The following KCNQ5 variants were observed in gnomAD, a reference collection of about 807,000 sequenced individuals.
The protein encoded by KCNQ5 is potassium voltage-gated channel subfamily Q member 5, also known as potassium voltage-gated channel subfamily KQT member 5.
In KCNQ5, 30 loss-of-function variants were observed where a neutral mutation model predicts 98.2. That is an observed-to-expected ratio of 0.31 (90% CI 0.23 to 0.41). The LOEUF is 0.41. Ranked by LOEUF, KCNQ5 falls within the 10% of genes least tolerant of loss-of-function variation. The pLI is 1.00. For synonymous variants in KCNQ5, 458 were observed against 449.4 expected, an observed-to-expected ratio of 1.02 and a Z score of -0.24; for missense variants, 835 against 1,182.5, an observed-to-expected ratio of 0.71 and a Z score of 4.31.
chr6:72,835,590 AATT>A (rs1294762842), intron 1 of KCNQ5, among the ~76,000 whole-genome samples: 2 of 152,264 alleles, frequency 1.3e-5, no homozygotes, highest in Non-Finnish European at 2.9e-5. Context: ...ACATGGAGTG[AATT>A]ATTATTATGT....
chr6:72,766,183 G>A (rs1772560617), intron 1 of KCNQ5, among the ~76,000 whole-genome samples: 1 of 152,034 alleles, frequency 6.6e-6, no homozygotes, highest in South Asian at 2.1e-4. Flanking sequence ...AAGGGACTCA[G>A]ACAGAGAGAT....
chr6:73,067,905 T>TATATAA (rs1434085616), intron 3 of KCNQ5, among the ~76,000 whole-genome samples: 13 of 15,606 alleles, frequency 8.3e-4, no homozygotes, highest in African/African-American at 2.8e-3. Flanking sequence ...TATATATATA[T>TATATAA]AACTAAAATT....
chr6:72,781,865 A>G (rs764197112), intron 1 of KCNQ5, among the ~76,000 whole-genome samples: 2 of 152,238 alleles, frequency 1.3e-5, no homozygotes, highest in Non-Finnish European at 2.9e-5. Flanking sequence ...TGCAAAGTAC[A>G]TGATAAGCCA....
At chr6:72,925,192 A>G (rs1232805896) in intron 1 of KCNQ5, among the ~76,000 whole-genome samples, 1 of 152,168 alleles carries the variant, frequency 6.6e-6, no homozygotes, top group African/African-American at 2.4e-5. Flanking sequence ...AACATTCTGG[A>G]TAAGAATGTT....
intron 7 of KCNQ5, among the ~76,000 whole-genome samples, chr6:73,116,352 A>C (rs1388676705): frequency 6.6e-6 from 1 of 152,196 alleles, no homozygotes; most frequent in Non-Finnish European, 1.5e-5. Context: ...AAATATAACT[A>C]TAAGCATAAT....
chr6:73,078,494 T>G (rs188516104), intron 5 of KCNQ5, among the ~76,000 whole-genome samples: 1 of 152,356 alleles, frequency 6.6e-6, no homozygotes, highest in East Asian at 1.9e-4. Flanking sequence ...AACATTCATT[T>G]AACTCATTTT....
chr6:72,903,132 A>G (rs567237836), intron 1 of KCNQ5, among the ~76,000 whole-genome samples: 2 of 152,150 alleles, frequency 1.3e-5, no homozygotes, highest in Admixed American at 6.5e-5. Context: ...AGGTGTTTAT[A>G]GTAACCTTGA....
At chr6:73,138,758 C>G (rs996325422) in intron 10 of KCNQ5, among the ~76,000 whole-genome samples, 2 of 152,084 alleles carry the variant, frequency 1.3e-5, no homozygotes, top group African/African-American at 4.8e-5. Context: ...TAGGGTTCAC[C>G]AGGGTGGGAT....
At chr6:72,682,457 C>G (rs1767755394) in intron 1 of KCNQ5, among the ~76,000 whole-genome samples, 2 of 151,304 alleles carry the variant, frequency 1.3e-5, no homozygotes, top group South Asian at 4.2e-4. Context: ...CTTTTTTTTC[C>G]TTTGGCCCCA....
At chr6:72,710,480 G>A (rs1769311049) in intron 1 of KCNQ5, among the ~76,000 whole-genome samples, 1 of 152,194 alleles carries the variant, frequency 6.6e-6, no homozygotes, top group Non-Finnish European at 1.5e-5. Context: ...CAGACTGAAA[G>A]TGCAGGAATG....
chr6:73,010,821 G>C (rs1770033518), intron 2 of KCNQ5, among the ~76,000 whole-genome samples: 1 of 151,918 alleles, frequency 6.6e-6, no homozygotes, highest in Non-Finnish European at 1.5e-5. Flanking sequence ...TAACCAAGGA[G>C]ATGAAGAACT....
chr6:72,961,413 C>T (rs1469074308), intron 1 of KCNQ5, among the ~76,000 whole-genome samples: 1 of 151,610 alleles, frequency 6.6e-6, no homozygotes, highest in African/African-American at 2.4e-5. Flanking sequence ...GTCAGGAGAT[C>T]AAGACCATCC....
intron 1 of KCNQ5, among the ~76,000 whole-genome samples, chr6:72,722,224 C>A (rs944259008): frequency 6.6e-6 from 1 of 152,162 alleles, no homozygotes; most frequent in Admixed American, 6.5e-5. Context: ...ACCTCCAGAA[C>A]TATAAGATAA....
In KCNQ5 at chr6:72,885,661, G is replaced by T. The variant is rs907212025; in HGVS notation, c.399-118247G>T. ...CCCTTAAAGGCCTGAATTAAAGAGC[G>T]ATTTTGAATTCAGAGAGAAAATAGT... On this transcript the variant is annotated intron_variant, in intron 1 of 13. Coordinates refer to ENST00000370398, the MANE Select transcript of KCNQ5 (RefSeq NM_019842.4). Among the ~76,000 whole-genome samples the T allele has an allele frequency of 3.9e-5, 6 of 152,260 alleles. No homozygotes were observed. In the East Asian group the frequency reaches 1.2e-3, roughly 29 times the overall value.
intron 1 of KCNQ5, among the ~76,000 whole-genome samples, chr6:72,671,088 G>T (rs150704222): frequency 9.2e-5 from 14 of 152,138 alleles, no homozygotes; most frequent in Non-Finnish European, 1.9e-4. Context: ...GACCTTTAAC[G>T]CCCGTATTTC....
At chr6:73,036,679 C>T (rs1562140608) in intron 2 of KCNQ5, among the ~76,000 whole-genome samples, 2 of 152,094 alleles carry the variant, frequency 1.3e-5, no homozygotes, top group Admixed American at 1.3e-4. Context: ...ATCAATAGTT[C>T]ATTCATTTTT....
At chr6:72,625,178 T>A (rs915623015) in intron 1 of KCNQ5, among the ~76,000 whole-genome samples, 27 of 152,224 alleles carry the variant, frequency 1.8e-4, no homozygotes, top group African/African-American at 6.5e-4. Context: ...ATGCTTGAGG[T>A]AAATATAAAT....
chr6:72,728,141 A>C (rs1456578762), intron 1 of KCNQ5, among the ~76,000 whole-genome samples: 1 of 152,218 alleles, frequency 6.6e-6, no homozygotes, highest in Non-Finnish European at 1.5e-5. Context: ...AAGTCATATA[A>C]CATATGGTAT....
chr6:72,743,552 A>G (rs1771232956), intron 1 of KCNQ5, among the ~76,000 whole-genome samples: 1 of 152,210 alleles, frequency 6.6e-6, no homozygotes, highest in Admixed American at 6.5e-5. Flanking sequence ...TAATGTCCCT[A>G]GTAGTGACCA....
Sources: allele counts gnomAD v4.1 joint callset (sites outside exome capture counted in the v4.1 genomes callset), GRCh38; gene constraint gnomAD v4.1.1; transcripts MANE v1.5; gene names NCBI Gene and HGNC (gene_info 2026-07-23, HGNC 2026-07-21).